Variants in STPG2 observed in about 807,000 individuals in gnomAD.
STPG2 encodes sperm tail PG-rich repeat containing 2, also known as sperm-tail PG-rich repeat-containing protein 2.
In STPG2, 56 loss-of-function variants were observed where a neutral mutation model predicts 54.2. The observed-to-expected ratio is 1.03, with a 90% CI of 0.83 to 1.29. STPG2 has a LOEUF of 1.29. STPG2 is among the 50% of genes most tolerant of loss of function. The pLI, the probability that STPG2 is intolerant of heterozygous loss-of-function variation, is 0.00. For synonymous variants in STPG2, 200 were observed against 181.8 expected (o/e 1.10, Z -0.81); for missense variants, 596 against 544.9 (o/e 1.09, Z -0.93).
intron 9 of STPG2, among the ~76,000 whole-genome samples, chr4:97,740,186 A>G (rs1202731060): frequency 3.3e-5 from 5 of 152,336 alleles, no homozygotes; most frequent in East Asian, 1.9e-4. Flanking sequence ...AAAACTCTCA[A>G]TAAATTAGGT....
chr4:97,666,281 T>A (rs1171563999), intron 10 of STPG2, among the ~76,000 whole-genome samples: 1 of 152,188 alleles, frequency 6.6e-6, no homozygotes, highest in Admixed American at 6.5e-5. Flanking sequence ...ACAGCCAGCA[T>A]CATGGCAGTG....
chr4:97,817,910 G>C (rs997938775), intron 9 of STPG2, among the ~76,000 whole-genome samples: 8 of 151,824 alleles, frequency 5.3e-5, no homozygotes, highest in Non-Finnish European at 2.9e-5. Flanking sequence ...ATATGCATCA[G>C]ATCTACTCAG....
intron 3 of STPG2, among the ~76,000 whole-genome samples, chr4:98,121,742 T>TGA (rs1269166130): frequency 3.3e-5 from 5 of 151,978 alleles, no homozygotes; most frequent in Non-Finnish European, 7.4e-5. Flanking sequence ...TGTGTGTGTG[T>TGA]GACAGAGTCT....
chr4:97,479,286 T>G (rs1003591622), intron 4 of STPG2, among the ~76,000 whole-genome samples: 1 of 151,928 alleles, frequency 6.6e-6, no homozygotes, highest in Non-Finnish European at 1.5e-5. Context: ...ATACAAATAG[T>G]TGATTTTTAT....
intron 5 of STPG2, among the ~76,000 whole-genome samples, chr4:98,013,546 G>A (rs987201551): frequency 1.0e-4 from 15 of 142,946 alleles, no homozygotes; most frequent in Non-Finnish European, 1.8e-4. Context: ...TGTACCTCTG[G>A]TAGAATTCGG....
At chr4:97,820,534 TA>T (rs888772708) in intron 9 of STPG2, among the ~76,000 whole-genome samples, 5 of 152,118 alleles carry the variant, frequency 3.3e-5, no homozygotes, top group Non-Finnish European at 5.9e-5. Flanking sequence ...TGAAGAAAAT[TA>T]AAAATGCTAC....
At chr4:97,503,458 T>C (rs1029130186) in intron 4 of STPG2, among the ~76,000 whole-genome samples, 2 of 151,926 alleles carry the variant, frequency 1.3e-5, no homozygotes, top group Admixed American at 6.6e-5. Context: ...CAACTAATTC[T>C]TATTGCAGCC....
At chr4:97,765,628 T>C (rs1726018997) in intron 9 of STPG2, among the ~76,000 whole-genome samples, 1 of 152,134 alleles carries the variant, frequency 6.6e-6, no homozygotes, top group Admixed American at 6.5e-5. Flanking sequence ...AACCAATAGC[T>C]GATGTTTTAT....
intron 1 of STPG2, among the ~76,000 whole-genome samples, 158 bp downstream of exon 1, chr4:98,142,884 A>G (rs1306565427): frequency 1.3e-5 from 2 of 152,248 alleles, no homozygotes; most frequent in Non-Finnish European, 2.9e-5. Context: ...TCTCATCTGT[A>G]AAATAAAAGT....
chr4:97,809,008 A>G (rs780592367), intron 9 of STPG2, among the ~76,000 whole-genome samples: 3 of 152,138 alleles, frequency 2.0e-5, no homozygotes, highest in Non-Finnish European at 4.4e-5. Context: ...TTTTCAAAAT[A>G]CTTCTCTCAG....
chr4:97,670,938 C>T (rs1313561673), intron 10 of STPG2, among the ~76,000 whole-genome samples: 1 of 152,172 alleles, frequency 6.6e-6, no homozygotes, highest in Non-Finnish European at 1.5e-5. Flanking sequence ...GAACATTCAT[C>T]TTGTTCTTCT....
intron 10 of STPG2, among the ~76,000 whole-genome samples, chr4:97,617,348 A>G (rs1022242135): frequency 6.6e-6 from 1 of 152,200 alleles, no homozygotes; most frequent in Non-Finnish European, 1.5e-5. Flanking sequence ...TTCTTGTAAG[A>G]AAAATACTAG....
chr4:98,026,254 C>G (rs1176543868), intron 5 of STPG2: 1 of 856,164 alleles, frequency 1.2e-6, no homozygotes, highest in African/African-American at 1.7e-5. Context: ...CAGGAGTGGG[C>G]TGCTGAGAGC....
intron 8 of STPG2, among the ~76,000 whole-genome samples, chr4:97,865,930 C>A (rs1729756066): frequency 6.6e-6 from 1 of 151,780 alleles, no homozygotes; most frequent in African/African-American, 2.4e-5. Context: ...AAGTGTGATT[C>A]TGTCATTTGA....
chr4:97,613,498 G>A lies in STPG2; in HGVS notation c.1321-54381C>T, dbSNP rs1279198555. Among the ~76,000 whole-genome samples the A allele has an allele frequency of 3.4e-5, 5 of 149,008 alleles. No homozygotes were observed. The South Asian group carries it at 1.0e-3, about 31-fold the overall frequency. On this transcript the variant is annotated intron_variant, in intron 10 of 10. Transcript: ENST00000295268. ...CCCGTGTGTGTGTGTGTGTGTGTGT[G>A]TGTGTGTGTGTGTGTGTGTGTATGC...
At chr4:97,561,147 C>A (rs923667565) in intron 10 of STPG2, among the ~76,000 whole-genome samples, 2 of 152,052 alleles carry the variant, frequency 1.3e-5, no homozygotes, top group Non-Finnish European at 2.9e-5. Context: ...GCCATTCTAA[C>A]TGGTGTGAGA....
intron 10 of STPG2, among the ~76,000 whole-genome samples, chr4:97,672,166 CTTTTT>C (rs70953079): frequency 5.0e-5 from 4 of 80,688 alleles, no homozygotes; most frequent in African/African-American, 1.4e-4. Flanking sequence ...ACTGGTAATT[CTTTTT>C]TTTTTTTTTT....
intron 5 of STPG2, among the ~76,000 whole-genome samples, chr4:98,060,846 G>A (rs1737629122): frequency 1.3e-5 from 2 of 152,154 alleles, no homozygotes; most frequent in Non-Finnish European, 2.9e-5. Context: ...TAATGGTACT[G>A]AGATAACTGG....
chr4:97,656,725 A>G (rs1361958183), intron 10 of STPG2, among the ~76,000 whole-genome samples: 1 of 150,906 alleles, frequency 6.6e-6, no homozygotes, highest in Non-Finnish European at 1.5e-5. Context: ...GAATACTAGT[A>G]TTGTGCATAG....
Sources: gnomAD v4.1 joint callset for allele counts (sites outside exome capture counted in the v4.1 genomes callset) on GRCh38, gnomAD v4.1.1 for gene constraint, MANE v1.5 for transcripts, NCBI Gene and HGNC (gene_info 2026-07-23, HGNC 2026-07-21) for gene names.